Variants in CPED1 observed in about 807,000 individuals in gnomAD.
The protein encoded by CPED1 is cadherin-like and PC-esterase domain-containing protein 1.
In CPED1, 114 loss-of-function variants were observed where a neutral mutation model predicts 128.2. The ratio of observed to expected loss-of-function variants is 0.89; its 90% CI spans 0.76 to 1.04. The LOEUF is 1.04. Among genes scored for constraint, CPED1 ranks in the 50% least tolerant of loss-of-function variants. The pLI is 0.00. For missense variants in CPED1, 1,211 were observed against 1,207.1 expected (o/e 1.00, Z -0.05); for synonymous variants, 462 against 426.7 (o/e 1.08, Z -1.02).
At chr7:121,196,691 T>TGCC (rs1713867585) in intron 16 of CPED1, among the ~76,000 whole-genome samples, 1 of 152,146 alleles carries the variant, frequency 6.6e-6, no homozygotes, top group South Asian at 2.1e-4. Context: ...AGCAGCTCTC[T>TGCC]TATAAATGCA....
At chr7:121,166,735 T>A (rs1220918592) in intron 16 of CPED1, among the ~76,000 whole-genome samples, 1 of 152,172 alleles carries the variant, frequency 6.6e-6, no homozygotes, top group South Asian at 2.1e-4. Flanking sequence ...TTAAGAATCA[T>A]GTAGCATTAA....
At chr7:121,280,655 C>T (rs1792444517) in intron 22 of CPED1, among the ~76,000 whole-genome samples, 1 of 152,188 alleles carries the variant, frequency 6.6e-6, no homozygotes, top group South Asian at 2.1e-4. Context: ...CAGTTTATTT[C>T]ATGTGGCCAT....
chr7:121,086,803 GC>G (rs1280832801), intron 5 of CPED1, among the ~76,000 whole-genome samples: 66 of 152,302 alleles, frequency 4.3e-4, no homozygotes, highest in Middle Eastern at 3.4e-3. Context: ...ATGAACTTTT[GC>G]CACTTTTCAC....
intron 16 of CPED1, among the ~76,000 whole-genome samples, chr7:121,197,690 G>T (rs1797302626): frequency 6.6e-6 from 1 of 152,038 alleles, no homozygotes; most frequent in African/African-American, 2.4e-5. Flanking sequence ...AACAGTAGAA[G>T]AATTCTTAGA....
At position 120,988,923 on chromosome 7, in the gene CPED1, A is replaced by G. The variant is rs1034761771; in HGVS notation, c.-232+11A>G. The G allele has an allele frequency of 1.3e-5, 2 of 152,256 alleles. No individual in the cohort carries two copies. Among genetic ancestry groups the G allele is most frequent in the African/African-American group, 2.4e-5 (1 of 41,448 alleles). 9.4% of individuals were successfully genotyped at this position (152,256 alleles called of 1,614,324 possible). On this transcript the variant is annotated intron_variant, in intron 1 of 22. Coordinates refer to ENST00000310396, the MANE Select transcript of CPED1 (RefSeq NM_024913.5). ...AAGGATGAAAACTGAGTAAGTACAT[A>G]GAACTTTGAACTTGAGACGGAATGA... is the stretch of plus-strand genomic sequence containing the variant.
At chr7:121,202,920 G>A (rs565145287) in intron 16 of CPED1, among the ~76,000 whole-genome samples, 1 of 152,218 alleles carries the variant, frequency 6.6e-6, no homozygotes, top group East Asian at 1.9e-4. Flanking sequence ...GACCCAGTGA[G>A]TTTTCAAAAC....
chr7:121,178,411 T>C (rs1796830956), intron 16 of CPED1, among the ~76,000 whole-genome samples: 1 of 152,066 alleles, frequency 6.6e-6, no homozygotes, highest in Non-Finnish European at 1.5e-5. Context: ...GTTCTTGTTG[T>C]TGTTATGGTG....
At chr7:121,084,544 G>A (rs1380744633) in intron 5 of CPED1, among the ~76,000 whole-genome samples, 2 of 152,188 alleles carry the variant, frequency 1.3e-5, no homozygotes, top group Non-Finnish European at 2.9e-5. Context: ...TGCTATTGGT[G>A]ATGTGCCTTT....
intron 16 of CPED1, among the ~76,000 whole-genome samples, chr7:121,189,731 A>G (rs947039580): frequency 6.0e-5 from 8 of 132,514 alleles, no homozygotes; most frequent in Non-Finnish European, 6.3e-5. Context: ...TGTTCTAGCC[A>G]TATTCTTATT....
Position 121,125,880 on chromosome 7 carries a change from T to C in CPED1, c.1122T>C (p.Pro374=). The C allele has an allele frequency of 6.2e-7, 1 of 1,612,258 alleles. No homozygotes were observed. Among genetic ancestry groups the C allele is most frequent in the Non-Finnish European group, 8.5e-7 (1 of 1,178,362 alleles). The change falls in exon 9 of 23, where the codon CCT becomes CCC. Residue 374 remains proline (P), a synonymous_variant. Coordinates refer to ENST00000310396, the MANE Select transcript of CPED1 (RefSeq NM_024913.5). ...TTGGTTATGGCAGTTTCATGTACCCTGTAGTGCTCCAGGTCAGTATGCCAA... is the reference window on the plus strand; with the variant it reads ...TTGGTTATGGCAGTTTCATGTACCCCGTAGTGCTCCAGGTCAGTATGCCAA... ...FDIGYGSFMY[P]VVLQVHEHLN...
At chr7:121,090,430 ACAT>A (rs1794544782) in intron 5 of CPED1, among the ~76,000 whole-genome samples, 1 of 152,176 alleles carries the variant, frequency 6.6e-6, no homozygotes, top group African/African-American at 2.4e-5. Flanking sequence ...TGATATGATA[ACAT>A]CATATGAAAG....
At chr7:121,268,294 A>G (rs1370132673) in intron 21 of CPED1, among the ~76,000 whole-genome samples, 2 of 152,064 alleles carry the variant, frequency 1.3e-5, no homozygotes, top group Admixed American at 6.6e-5. Flanking sequence ...AGCTCCTCAC[A>G]GTAATTGGCA....
At chr7:121,287,284 C>G (rs1432670128) in intron 22 of CPED1, among the ~76,000 whole-genome samples, 2 of 152,126 alleles carry the variant, frequency 1.3e-5, no homozygotes, top group African/African-American at 2.4e-5. Flanking sequence ...CACAGACACA[C>G]ACACACACAC....
At chr7:121,046,582 G>T in intron 3 of CPED1, among the ~76,000 whole-genome samples, 1 of 151,336 alleles carries the variant, frequency 6.6e-6, no homozygotes, top group East Asian at 1.9e-4. Flanking sequence ...AGTGATTTAA[G>T]GTATTCTAAT....
intron 16 of CPED1, among the ~76,000 whole-genome samples, chr7:121,223,955 T>C (rs960843514): frequency 5.9e-5 from 9 of 152,166 alleles, no homozygotes; most frequent in African/African-American, 1.9e-4. Flanking sequence ...TTTGTGTCTC[T>C]ATTTCTTTTA....
At chr7:121,113,142 A>G (rs529328369) in intron 7 of CPED1, among the ~76,000 whole-genome samples, 1 of 152,340 alleles carries the variant, frequency 6.6e-6, no homozygotes, top group Admixed American at 6.5e-5. Context: ...TCATATGATC[A>G]TGGAGCCAAA....
intron 22 of CPED1, among the ~76,000 whole-genome samples, chr7:121,289,328 T>A (rs1354452436): frequency 1.3e-5 from 2 of 152,214 alleles, no homozygotes; most frequent in African/African-American, 2.4e-5. Context: ...AGTTTCAAAA[T>A]TTTTATCATT....
chr7:121,114,517 G>C (rs1032704267), intron 7 of CPED1, among the ~76,000 whole-genome samples: 2 of 152,196 alleles, frequency 1.3e-5, no homozygotes, highest in African/African-American at 4.8e-5. Context: ...TAGGACAATT[G>C]AGTTAAAACA....
chr7:121,294,978 A>AT, intron 22 of CPED1, among the ~76,000 whole-genome samples: 1 of 152,162 alleles, frequency 6.6e-6, no homozygotes, highest in Non-Finnish European at 1.5e-5. Flanking sequence ...ATGGAAAAAA[A>AT]TTTTTTCTTT....
Sources: gnomAD v4.1 joint callset for allele counts (sites outside exome capture counted in the v4.1 genomes callset) on GRCh38, gnomAD v4.1.1 for gene constraint, MANE v1.5 for transcripts, NCBI Gene and HGNC (gene_info 2026-07-23, HGNC 2026-07-21) for gene names.